PLEKHA3: variants seen among roughly 807,000 people sequenced by gnomAD.
PLEKHA3 encodes the protein pleckstrin homology domain containing A3.
A neutral mutation model predicts 39.2 loss-of-function variants in PLEKHA3; 19 were observed. That is an observed-to-expected ratio of 0.48 (90% CI 0.34 to 0.71). PLEKHA3 has a LOEUF of 0.71. PLEKHA3 is among the 30% of genes least tolerant of loss of function. The probability of loss-of-function intolerance (pLI) is 0.01; values close to 1 mark genes in which losing one functional copy is unlikely to be tolerated. For missense variants in PLEKHA3, 253 were observed against 359.5 expected (o/e 0.70, Z 2.40); for synonymous variants, 97 against 118.6 (o/e 0.82, Z 1.18).
chr2:178,495,567 G>T lies in PLEKHA3; in HGVS notation c.522G>T (p.Val174=). 1 of 1,614,170 alleles carries T rather than the reference G, an allele frequency of 6.2e-7. No homozygotes were observed. Among genetic ancestry groups the T allele is most frequent in the Non-Finnish European group, 8.5e-7 (1 of 1,180,020 alleles). ...NTFITTLEEC[V]KIANAKFKPE... ...TCATCACAACGCTTGAGGAATGTGT[G>T]AAGATAGCCAATGCCAAGTTTAAAC... Residue 174 remains valine, a synonymous_variant, in exon 5 of 8, where the codon GTG becomes GTT. Transcript: ENST00000234453.
At chr2:178,488,255 A>G (rs1486831475) in intron 2 of PLEKHA3, among the ~76,000 whole-genome samples, 2 of 152,094 alleles carry the variant, frequency 1.3e-5, no homozygotes, top group Non-Finnish European at 2.9e-5. Context: ...TGTGTTGCAG[A>G]TGTTTTCTTC....
intron 5 of PLEKHA3, among the ~76,000 whole-genome samples, chr2:178,496,864 T>C (rs1305159799): frequency 1.3e-5 from 2 of 152,206 alleles, no homozygotes; most frequent in East Asian, 3.9e-4. Flanking sequence ...TGCCTGGCTA[T>C]GTTTTTTAAT....
At chr2:178,484,183 A>T (rs1685213707) in intron 1 of PLEKHA3, among the ~76,000 whole-genome samples, 1 of 152,162 alleles carries the variant, frequency 6.6e-6, no homozygotes, top group Non-Finnish European at 1.5e-5. Flanking sequence ...TTTTTTTGGT[A>T]CCTCTTATGT....
rs1377123840 is a variant in PLEKHA3 at position 178,507,134 on chromosome 2, G to C, written c.*3247G>C. The C allele has an allele frequency of 2.0e-5, 3 of 152,056 alleles. No homozygotes were observed. The highest frequency in any genetic ancestry group is 4.4e-5 in the Non-Finnish European group (3 of 67,984). 9.4% of individuals were successfully genotyped at this position (152,056 alleles called of 1,614,324 possible). ...TGTGTTAGTATTTACCTTCCTGTTT[G>C]AAAATGTTATACTACTTTTTGTTGA... On this transcript the variant is annotated 3_prime_UTR_variant, in exon 8 of 8. Transcript: ENST00000234453.
rs1371082148 is a variant in PLEKHA3, at chr2:178,504,904, T to C, written c.*1017T>C. On this transcript the variant is annotated 3_prime_UTR_variant, in exon 8 of 8. Coordinates refer to ENST00000234453, the MANE Select transcript of PLEKHA3 (RefSeq NM_019091.4). ...TTTTGGTAGTGCCTGTCCATACCTA[T>C]TGTCATTGTTTGCCTTGTAATCTGT... 1 of 152,454 alleles carries C rather than the reference T, an allele frequency of 6.6e-6. No individual in the cohort carries two copies. Among genetic ancestry groups the C allele is most frequent in the Admixed American group, 6.6e-5 (1 of 15,244 alleles). 9.4% of individuals were successfully genotyped at this position (152,454 alleles called of 1,614,324 possible). A position where few individuals can be genotyped will look rare whatever the true frequency, so the allele number is the denominator to read the frequency against.
At chr2:178,499,183 T>C (rs1415899732) in intron 5 of PLEKHA3, 28 bp from the exon 6 acceptor site, 1 of 402,958 alleles carries the variant, frequency 2.5e-6, no homozygotes, top group Admixed American at 4.5e-5. Flanking sequence ...ATTATGCTAA[T>C]TTTTTTTTTT....
intron 3 of PLEKHA3, 72 bp downstream of exon 3, chr2:178,490,886 T>C: frequency 1.1e-5 from 14 of 1,229,804 alleles, no homozygotes; most frequent in Non-Finnish European, 1.5e-5. Flanking sequence ...TAAATTAGCC[T>C]GTCCACTTTT....
chr2:178,498,311 A>T (rs1685477948), intron 5 of PLEKHA3, among the ~76,000 whole-genome samples: 1 of 152,192 alleles, frequency 6.6e-6, no homozygotes, highest in African/African-American at 2.4e-5. Flanking sequence ...CCAGACTACA[A>T]ACTGGGTGGG....
intron 7 of PLEKHA3, among the ~76,000 whole-genome samples, chr2:178,502,804 A>G (rs1414765631): frequency 6.8e-6 from 1 of 146,440 alleles, no homozygotes; most frequent in Non-Finnish European, 1.5e-5. Flanking sequence ...ACACACACAC[A>G]CACGCACGCA....
intron 1 of PLEKHA3, among the ~76,000 whole-genome samples, chr2:178,481,265 C>T (rs1003295396): frequency 2.0e-5 from 3 of 152,148 alleles, no homozygotes; most frequent in African/African-American, 7.2e-5. Flanking sequence ...ACTGAGTTGT[C>T]GGAGTATTGG....
At chr2:178,481,007 C>A in intron 1 of PLEKHA3, 98 bp downstream of exon 1, 1 of 1,140,524 alleles carries the variant, frequency 8.8e-7, no homozygotes, top group Non-Finnish European at 1.1e-6. Context: ...TCCGCGGACC[C>A]TCAGAGCGAA....
rs1479198646 is a variant in PLEKHA3, at chr2:178,505,281, A to G, written c.*1394A>G. 1 of 151,940 alleles carries G rather than the reference A, an allele frequency of 6.6e-6. No individual in the cohort carries two copies. The highest frequency in any genetic ancestry group is 1.5e-5 in the Non-Finnish European group (1 of 67,846). The allele number at this position is 151,940 out of a possible 1,614,324, so 9.4% of individuals were successfully genotyped here. A position where few individuals can be genotyped will look rare whatever the true frequency, so the allele number is the denominator to read the frequency against. ...AGTTTATGTGGGATATTTTAAAATA[A>G]TTAATATTTGGTATTTGTTTAAAAA... On this transcript the variant is annotated 3_prime_UTR_variant, in exon 8 of 8. Coordinates refer to ENST00000234453, the MANE Select transcript of PLEKHA3 (RefSeq NM_019091.4).
intron 6 of PLEKHA3, among the ~76,000 whole-genome samples, chr2:178,500,020 T>C (rs1323410481): frequency 6.6e-6 from 1 of 152,152 alleles, no homozygotes; most frequent in Non-Finnish European, 1.5e-5. Flanking sequence ...GAAAACCACT[T>C]GATATTTTAA....
intron 3 of PLEKHA3, among the ~76,000 whole-genome samples, chr2:178,493,537 A>G (rs1189066644): frequency 6.6e-6 from 1 of 152,250 alleles, no homozygotes; most frequent in East Asian, 1.9e-4. Flanking sequence ...TAAAAAAGCA[A>G]TTCACAAAAG....
At chr2:178,484,579 C>T (rs938388844) in intron 1 of PLEKHA3, among the ~76,000 whole-genome samples, 1 of 152,164 alleles carries the variant, frequency 6.6e-6, no homozygotes, top group Non-Finnish European at 1.5e-5. Flanking sequence ...TCAAATTGAT[C>T]ATGTGGCAGG....
chr2:178,488,294 T>G (rs1474709133), intron 2 of PLEKHA3, among the ~76,000 whole-genome samples: 2 of 152,264 alleles, frequency 1.3e-5, no homozygotes, highest in African/African-American at 4.8e-5. Flanking sequence ...TTCATTTTGT[T>G]CATGATACCT....
intron 1 of PLEKHA3, among the ~76,000 whole-genome samples, chr2:178,483,145 G>A (rs1162027277): frequency 6.6e-6 from 1 of 152,176 alleles, no homozygotes; most frequent in Middle Eastern, 3.4e-3. Context: ...TGTAGTCCTA[G>A]CTACTTGGGA....
intron 4 of PLEKHA3, among the ~76,000 whole-genome samples, chr2:178,494,751 T>C (rs1685413428): frequency 6.6e-6 from 1 of 152,016 alleles, no homozygotes; most frequent in African/African-American, 2.4e-5. Context: ...GTTGAGTTTT[T>C]CTCCTAATGC....
In PLEKHA3 at chr2:178,504,159, G is replaced by A. The variant is rs942864269; in HGVS notation, c.*272G>A. On this transcript the variant is annotated 3_prime_UTR_variant, in exon 8 of 8. Transcript: ENST00000234453. ...TGGTGTAACATTTTGACATCCATAA[G>A]GACAAATGTAGATATTTTTCTTAAA... 1 of 248,750 alleles carries A rather than the reference G, an allele frequency of 4.0e-6. No individual in the cohort carries two copies. Among genetic ancestry groups the A allele is most frequent in the Non-Finnish European group, 7.9e-6 (1 of 125,898 alleles). 15.4% of individuals were successfully genotyped at this position (248,750 alleles called of 1,614,324 possible). A position where few individuals can be genotyped will look rare whatever the true frequency, so the allele number is the denominator to read the frequency against.
Sources: gnomAD v4.1 joint callset for allele counts (sites outside exome capture counted in the v4.1 genomes callset) on GRCh38, gnomAD v4.1.1 for gene constraint, MANE v1.5 for transcripts, NCBI Gene and HGNC (gene_info 2026-07-23, HGNC 2026-07-21) for gene names.